Variants in RGS7 observed in about 807,000 individuals in gnomAD.
RGS7 encodes the protein regulator of G-protein signaling 7.
RGS7 carries 27 observed loss-of-function variants against 81.1 expected under a neutral mutation model. That is an observed-to-expected ratio of 0.33 (90% CI 0.25 to 0.46). The LOEUF is 0.46. Ranked by LOEUF, RGS7 falls within the 20% of genes least tolerant of loss-of-function variation. The probability of loss-of-function intolerance (pLI) is 1.00; values close to 1 mark genes in which losing one functional copy is unlikely to be tolerated. For synonymous variants in RGS7, 208 were observed against 207.7 expected (o/e 1.00, Z -0.01); for missense variants, 396 against 607.4 (o/e 0.65, Z 3.66).
At chr1:240,827,005 C>T in intron 10 of RGS7, 93 bp downstream of exon 10, 1 of 1,017,072 alleles carries the variant, frequency 9.8e-7, no homozygotes, top group East Asian at 2.4e-5. Context: ...GGGAAAGATA[C>T]TGCATGACAT....
At chr1:241,161,456 C>T (rs1343716651) in intron 2 of RGS7, among the ~76,000 whole-genome samples, 1 of 149,676 alleles carries the variant, frequency 6.7e-6, no homozygotes, top group African/African-American at 2.4e-5. Context: ...ACTAATGGCA[C>T]AGTCCATGAC....
chr1:241,116,240 G>C (rs2065879744), intron 2 of RGS7, among the ~76,000 whole-genome samples: 1 of 152,006 alleles, frequency 6.6e-6, no homozygotes, highest in South Asian at 2.1e-4. Context: ...AATTTTTATT[G>C]TGGAAAATCT....
chr1:240,869,267 A>T (rs1664047510), intron 7 of RGS7, among the ~76,000 whole-genome samples: 1 of 151,942 alleles, frequency 6.6e-6, no homozygotes. Flanking sequence ...TACATGGCAC[A>T]CCCTGGCGGC....
At chr1:240,783,210 G>T (rs1343787335) in intron 18 of RGS7, among the ~76,000 whole-genome samples, 1 of 152,156 alleles carries the variant, frequency 6.6e-6, no homozygotes, top group Non-Finnish European at 1.5e-5. Flanking sequence ...TAAATGGTTT[G>T]CAGAGATTTT....
At chr1:240,913,860 T>C (rs1050750147) in intron 6 of RGS7, among the ~76,000 whole-genome samples, 43 of 152,104 alleles carry the variant, frequency 2.8e-4, no homozygotes, top group African/African-American at 1.0e-3. Context: ...TATCTATGTT[T>C]ATTCATTCTT....
intron 9 of RGS7, among the ~76,000 whole-genome samples, chr1:240,864,329 C>A (rs1049133738): frequency 1.3e-5 from 2 of 152,146 alleles, no homozygotes; most frequent in Non-Finnish European, 2.9e-5. Context: ...CCCTGTTTCA[C>A]GAGTTTCAGA....
At position 240,883,590 on chromosome 1, in the gene RGS7, T is replaced by C. The variant is rs6702825; in HGVS notation, c.386-13471A>G. Among the ~76,000 whole-genome samples the C allele has an allele frequency of 7.8e-3, 1,192 of 152,290 alleles. 13 individuals are homozygous for C. Among genetic ancestry groups the C allele is most frequent in the African/African-American group, 0.027 (1,107 of 41,558 alleles). On this transcript the variant is annotated intron_variant, in intron 6 of 18. Coordinates refer to ENST00000440928, the MANE Select transcript of RGS7 (RefSeq NM_001364886.1). ...CCCTCAAATCAATAACTCATGGAGC[T>C]TTCACGGTTATTCATGGCCATTCAC...
chr1:241,247,976 T>C (rs903729546), intron 2 of RGS7, among the ~76,000 whole-genome samples: 1 of 152,224 alleles, frequency 6.6e-6, no homozygotes, highest in Non-Finnish European at 1.5e-5. Flanking sequence ...TTTCTGTATC[T>C]TCACTAATGG....
chr1:241,009,386 C>G (rs2058843869), intron 3 of RGS7, among the ~76,000 whole-genome samples: 1 of 152,184 alleles, frequency 6.6e-6, no homozygotes, highest in African/African-American at 2.4e-5. Context: ...CATGACCATT[C>G]TCAGCTTTGC....
intron 2 of RGS7, among the ~76,000 whole-genome samples, chr1:241,346,697 T>C (rs2082917926): frequency 6.6e-6 from 1 of 152,220 alleles, no homozygotes; most frequent in African/African-American, 2.4e-5. Context: ...CTTTCAGCTT[T>C]TTATTTTTAG....
intron 6 of RGS7, among the ~76,000 whole-genome samples, chr1:240,923,993 C>A (rs1280296177): frequency 6.6e-6 from 1 of 151,964 alleles, no homozygotes; most frequent in African/African-American, 2.4e-5. Context: ...GTGTTTATTT[C>A]AAAATTCTTT....
At chr1:241,339,737 C>A (rs1468169743) in intron 2 of RGS7, among the ~76,000 whole-genome samples, 1 of 152,078 alleles carries the variant, frequency 6.6e-6, no homozygotes, top group Non-Finnish European at 1.5e-5. Flanking sequence ...GGTGCATGCC[C>A]TTTTTTTAAG....
chr1:241,348,924 C>CA (rs910699906), intron 2 of RGS7, among the ~76,000 whole-genome samples: 7 of 152,042 alleles, frequency 4.6e-5, no homozygotes, highest in African/African-American at 1.4e-4. Flanking sequence ...CTTTCATTAT[C>CA]AAAAAATATG....
intron 18 of RGS7, among the ~76,000 whole-genome samples, chr1:240,793,605 A>ATTTTTTTT (rs869198789): frequency 1.8e-4 from 6 of 32,892 alleles, no homozygotes; most frequent in African/African-American, 6.9e-4. Context: ...ATATATATAT[A>ATTTTTTTT]TATATATTTT....
chr1:241,307,902 C>T (rs2080274778), intron 2 of RGS7, among the ~76,000 whole-genome samples: 1 of 152,166 alleles, frequency 6.6e-6, no homozygotes, highest in Non-Finnish European at 1.5e-5. Context: ...CCTCAGGGTA[C>T]AGAAATAGAA....
intron 6 of RGS7, among the ~76,000 whole-genome samples, chr1:240,915,354 C>A (rs1284982503): frequency 1.3e-5 from 2 of 152,102 alleles, no homozygotes; most frequent in Admixed American, 6.5e-5. Context: ...GGTAGAGGCT[C>A]ACTGTGGGAC....
chr1:241,086,537 T>C (rs2063458379), intron 3 of RGS7, among the ~76,000 whole-genome samples: 1 of 152,006 alleles, frequency 6.6e-6, no homozygotes, highest in Non-Finnish European at 1.5e-5. Flanking sequence ...GCCTTCATCA[T>C]CTCTGCTCTA....
At chr1:240,817,582 G>A (rs1344523983) in intron 10 of RGS7, among the ~76,000 whole-genome samples, 1 of 151,984 alleles carries the variant, frequency 6.6e-6, no homozygotes, top group African/African-American at 2.4e-5. Context: ...TTTTGCCCTT[G>A]TGTCTCCCGC....
intron 6 of RGS7, among the ~76,000 whole-genome samples, chr1:240,914,890 C>A (rs1294981060): frequency 6.6e-6 from 1 of 152,152 alleles, no homozygotes; most frequent in Non-Finnish European, 1.5e-5. Context: ...CCTAGAGTAA[C>A]AGAAACCTTT....
Sources: allele counts gnomAD v4.1 joint callset (sites outside exome capture counted in the v4.1 genomes callset), GRCh38; gene constraint gnomAD v4.1.1; transcripts MANE v1.5; gene names NCBI Gene and HGNC (gene_info 2026-07-23, HGNC 2026-07-21).